The following SCARA5 variants were observed in gnomAD, a reference collection of about 807,000 sequenced individuals.
The protein encoded by SCARA5 is scavenger receptor class A member 5.
A neutral mutation model predicts 46.3 loss-of-function variants in SCARA5; 45 were observed. The observed-to-expected ratio is 0.97, with a 90% CI of 0.76 to 1.24. The LOEUF (loss-of-function observed/expected upper bound fraction) is 1.24, where lower values mean the gene tolerates loss of function less well. SCARA5 is among the 50% of genes most tolerant of loss of function. The pLI is 0.00. For missense variants in SCARA5, 680 were observed against 689.0 expected, an observed-to-expected ratio of 0.99 and a Z score of 0.15; for synonymous variants, 333 against 306.5, an observed-to-expected ratio of 1.09 and a Z score of -0.90.
At chr8:27,894,755 C>G (rs769378213) in intron 7 of SCARA5, among the ~76,000 whole-genome samples, 1 of 152,186 alleles carries the variant, frequency 6.6e-6, no homozygotes, top group Non-Finnish European at 1.5e-5. Flanking sequence ...TTCCCTCTTC[C>G]GTGTCTCTCT....
rs139859220 is a variant in SCARA5, at chr8:27,968,434, C to A, written c.113-1892G>T. ...GCACATCTTTCTAACTCACCCTAAA[C>A]CTTTTCTGGGATTTTCCATCCTTTA... On this transcript the variant is annotated intron_variant, in intron 2 of 8. Transcript: ENST00000354914. Among the ~76,000 whole-genome samples, 466 of 152,342 alleles carry A rather than the reference C, an allele frequency of 3.1e-3. 3 individuals are homozygous for A. Among genetic ancestry groups the A allele is most frequent in the African/African-American group, 0.01 (424 of 41,588 alleles).
intron 2 of SCARA5, among the ~76,000 whole-genome samples, chr8:27,985,929 A>G (rs1401497721): frequency 1.3e-5 from 2 of 152,224 alleles, no homozygotes; most frequent in South Asian, 2.1e-4. Flanking sequence ...TAAAAAAACA[A>G]TCTGGGGTTC....
At chr8:27,990,472 T>C (rs546593420) in intron 1 of SCARA5, among the ~76,000 whole-genome samples, 1 of 152,264 alleles carries the variant, frequency 6.6e-6, no homozygotes, top group Admixed American at 6.5e-5. Context: ...GAGCACTGTG[T>C]TGGGGGTAGG....
intron 3 of SCARA5, among the ~76,000 whole-genome samples, chr8:27,938,774 T>G (rs920595045): frequency 1.3e-5 from 2 of 152,174 alleles, no homozygotes; most frequent in South Asian, 4.1e-4. Context: ...GATTTCACTT[T>G]GTACACACCC....
At chr8:27,981,768 G>A (rs893610250) in intron 2 of SCARA5, among the ~76,000 whole-genome samples, 25 of 152,318 alleles carry the variant, frequency 1.6e-4, no homozygotes, top group Admixed American at 5.2e-4. Flanking sequence ...TGGCTCCCCC[G>A]GGGACCACAG....
chr8:27,912,568 C>T (rs1444768296), intron 4 of SCARA5, among the ~76,000 whole-genome samples: 1 of 152,206 alleles, frequency 6.6e-6, no homozygotes, highest in Non-Finnish European at 1.5e-5. Context: ...CCCTTCCCAG[C>T]GATCTCCCCT....
intron 4 of SCARA5, among the ~76,000 whole-genome samples, chr8:27,911,435 G>A (rs760183478): frequency 2.0e-4 from 30 of 152,186 alleles, no homozygotes; most frequent in Non-Finnish European, 2.9e-4. Context: ...GCTCATGCCC[G>A]TAATCCAGCA....
intron 3 of SCARA5, 95 bp downstream of exon 3, chr8:27,966,319 A>G: frequency 7.9e-7 from 1 of 1,261,070 alleles, no homozygotes; most frequent in Non-Finnish European, 1.1e-6. Flanking sequence ...TGACAAGGGC[A>G]GTGTTTGGGC....
intron 3 of SCARA5, among the ~76,000 whole-genome samples, chr8:27,932,006 T>C (rs921065094): frequency 6.6e-6 from 1 of 151,996 alleles, no homozygotes; most frequent in Non-Finnish European, 1.5e-5. Flanking sequence ...TACGATGGAC[T>C]CTCACTCTGT....
chr8:27,949,193 G>A (rs990088796), intron 3 of SCARA5, among the ~76,000 whole-genome samples: 1 of 152,222 alleles, frequency 6.6e-6, no homozygotes, highest in Admixed American at 6.5e-5. Flanking sequence ...TCAGAGCTTG[G>A]CTTTCCAGCT....
intron 1 of SCARA5, among the ~76,000 whole-genome samples, chr8:27,988,328 C>A (rs1444515353): frequency 6.6e-6 from 1 of 152,186 alleles, no homozygotes; most frequent in Non-Finnish European, 1.5e-5. Flanking sequence ...TGCATGGCCC[C>A]CAGAGGCTGA....
chr8:27,974,649 A>G (rs2727006), intron 2 of SCARA5, among the ~76,000 whole-genome samples: 86,623 of 151,790 alleles, frequency 0.57, 24,806 homozygotes, highest in South Asian at 0.66. Flanking sequence ...CTGACTTCAC[A>G]ATGGTTACTC....
chr8:27,978,799 C>T (rs1585525192), intron 2 of SCARA5, among the ~76,000 whole-genome samples: 1 of 152,166 alleles, frequency 6.6e-6, no homozygotes, highest in African/African-American at 2.4e-5. Context: ...ACTTGAGCCA[C>T]GGTGCCCGCC....
intron 3 of SCARA5, among the ~76,000 whole-genome samples, chr8:27,924,447 T>G (rs1807649499): frequency 6.6e-6 from 1 of 152,232 alleles, no homozygotes; most frequent in African/African-American, 2.4e-5. Flanking sequence ...GTGGCCACCC[T>G]GGAGGAGATA....
intron 3 of SCARA5, among the ~76,000 whole-genome samples, chr8:27,930,988 G>A (rs533360759): frequency 2.6e-5 from 4 of 152,314 alleles, no homozygotes; most frequent in East Asian, 1.9e-4. Context: ...TACAAGTGCC[G>A]AGAAAAAGGG....
At chr8:27,881,125 A>C (rs1806804964) in intron 7 of SCARA5, among the ~76,000 whole-genome samples, 1 of 152,206 alleles carries the variant, frequency 6.6e-6, no homozygotes, top group Non-Finnish European at 1.5e-5. Flanking sequence ...CACTGTGGAA[A>C]GCAGTTTGGA....
At position 27,879,705 on chromosome 8, in the gene SCARA5, G is replaced by A; in HGVS notation, c.1215C>T (p.Arg405=). ...LVNGSGPHEG[R]VEVYHDRRWG... is the part of the protein sequence containing the mutation. Reference sequence around the variant, plus strand: ...AACGCCGGTCGTGGTACACTTCCACGCGGCCCTCGTGCGGACCTGAGCCAT... The same window carrying A: ...AACGCCGGTCGTGGTACACTTCCACACGGCCCTCGTGCGGACCTGAGCCAT... Residue 405 remains arginine, a synonymous_variant, in exon 8 of 9, where the codon CGC becomes CGT. Coordinates refer to ENST00000354914, the MANE Select transcript of SCARA5 (RefSeq NM_173833.6). The A allele has an allele frequency of 1.2e-6, 2 of 1,613,004 alleles. No homozygotes were observed. The highest frequency in any genetic ancestry group is 8.5e-7 in the Non-Finnish European group (1 of 1,180,016).
At chr8:27,884,101 CA>C (rs1413308947) in intron 7 of SCARA5, among the ~76,000 whole-genome samples, 1 of 152,184 alleles carries the variant, frequency 6.6e-6, no homozygotes, top group Non-Finnish European at 1.5e-5. Flanking sequence ...GAAGCGACCC[CA>C]ACCCCAGGAA....
intron 2 of SCARA5, among the ~76,000 whole-genome samples, chr8:27,987,248 G>C: frequency 6.6e-6 from 1 of 152,226 alleles, no homozygotes; most frequent in Middle Eastern, 3.2e-3. Context: ...CTCCATGCTG[G>C]ACCACCATAA....
Sources: allele counts gnomAD v4.1 joint callset (sites outside exome capture counted in the v4.1 genomes callset), GRCh38; gene constraint gnomAD v4.1.1; transcripts MANE v1.5; gene names NCBI Gene and HGNC (gene_info 2026-07-23, HGNC 2026-07-21).